Variants in PLEKHA5 observed in about 807,000 individuals in gnomAD.
PLEKHA5 encodes the protein pleckstrin homology domain-containing family A member 5.
Under a neutral mutation model 181.9 loss-of-function variants are expected in PLEKHA5, and 55 were observed. The ratio of observed to expected loss-of-function variants is 0.30; its 90% confidence interval spans 0.24 to 0.38. PLEKHA5 has a LOEUF of 0.38. Among genes scored for constraint, PLEKHA5 ranks in the 10% least tolerant of loss-of-function variants. The probability of loss-of-function intolerance (pLI) is 1.00; values close to 1 mark genes in which losing one functional copy is unlikely to be tolerated. For synonymous variants in PLEKHA5, 535 were observed against 529.4 expected (o/e 1.01, Z -0.15); for missense variants, 1,432 against 1,549.5 (o/e 0.92, Z 1.27).
chr12:19,141,465 A>G (rs148777823), intron 3 of PLEKHA5, among the ~76,000 whole-genome samples: 1 of 152,324 alleles, frequency 6.6e-6, no homozygotes, highest in East Asian at 1.9e-4. Flanking sequence ...TTGGAAGTCA[A>G]GATGTGAAAG....
chr12:19,144,225 A>G (rs993531952), intron 3 of PLEKHA5, among the ~76,000 whole-genome samples: 2 of 152,198 alleles, frequency 1.3e-5, no homozygotes, highest in Non-Finnish European at 2.9e-5. Flanking sequence ...ATGTATGTCT[A>G]CATAAACAAC....
chr12:19,312,210 G>A (rs918262223), intron 15 of PLEKHA5, among the ~76,000 whole-genome samples: 1 of 152,174 alleles, frequency 6.6e-6, no homozygotes, highest in Non-Finnish European at 1.5e-5. Context: ...CTTTTTTGGA[G>A]CATAAGCAAA....
chr12:19,185,778 C>A (rs2151901692), intron 3 of PLEKHA5, among the ~76,000 whole-genome samples: 1 of 152,054 alleles, frequency 6.6e-6, no homozygotes, highest in South Asian at 2.1e-4. Context: ...TCTGTAGGGG[C>A]CCAATGAAAC....
intron 3 of PLEKHA5, among the ~76,000 whole-genome samples, chr12:19,229,235 A>G (rs762101020): frequency 1.3e-5 from 2 of 152,178 alleles, no homozygotes; most frequent in Non-Finnish European, 2.9e-5. Flanking sequence ...TGTTGACATG[A>G]GACCACATGA....
At chr12:19,246,887 T>G (rs368141234) in intron 3 of PLEKHA5, among the ~76,000 whole-genome samples, 2 of 152,316 alleles carry the variant, frequency 1.3e-5, no homozygotes, top group South Asian at 2.1e-4. Flanking sequence ...CCATTAAGAA[T>G]GAAATAGGCC....
At chr12:19,131,743 C>T (rs2033932592) in intron 2 of PLEKHA5, among the ~76,000 whole-genome samples, 1 of 151,526 alleles carries the variant, frequency 6.6e-6, no homozygotes, top group East Asian at 1.9e-4. Context: ...GTTGTTTTTA[C>T]TTCCAAGAGG....
At chr12:19,131,342 G>A (rs1387247501) in intron 2 of PLEKHA5, among the ~76,000 whole-genome samples, 1 of 152,208 alleles carries the variant, frequency 6.6e-6, no homozygotes, top group Non-Finnish European at 1.5e-5. Flanking sequence ...AAAAGGTGGA[G>A]GAAGAAAGGA....
chr12:19,161,150 T>G (rs2042872562), intron 3 of PLEKHA5, among the ~76,000 whole-genome samples: 1 of 152,190 alleles, frequency 6.6e-6, no homozygotes, highest in South Asian at 2.1e-4. Flanking sequence ...ATTCTCTGAA[T>G]AAAGGCATTA....
intron 25 of PLEKHA5, among the ~76,000 whole-genome samples, chr12:19,349,819 A>C (rs1197939695): frequency 2.6e-5 from 4 of 152,076 alleles, no homozygotes; most frequent in Non-Finnish European, 5.9e-5. Context: ...TCTACTAAAA[A>C]TACAAAAGTT....
chr12:19,343,842 C>G (rs2094127549), intron 22 of PLEKHA5, among the ~76,000 whole-genome samples: 1 of 152,114 alleles, frequency 6.6e-6, no homozygotes, highest in Non-Finnish European at 1.5e-5. Context: ...CACCTGAGGT[C>G]AGGAGTTCAA....
chr12:19,351,162 C>T (rs2094574567), intron 25 of PLEKHA5, among the ~76,000 whole-genome samples: 1 of 151,908 alleles, frequency 6.6e-6, no homozygotes, highest in African/African-American at 2.4e-5. Flanking sequence ...TCTCAAACTT[C>T]TAGGCTCAAG....
intron 7 of PLEKHA5, 111 bp downstream of exon 7, chr12:19,261,132 A>G (rs1369312034): frequency 5.3e-6 from 3 of 560,918 alleles, no homozygotes; most frequent in Non-Finnish European, 9.4e-6. Flanking sequence ...TTTATTATCA[A>G]CAAATAGTAT....
intron 30 of PLEKHA5, among the ~76,000 whole-genome samples, chr12:19,368,156 C>T (rs951250876): frequency 2.0e-5 from 3 of 151,966 alleles, no homozygotes; most frequent in African/African-American, 7.2e-5. Flanking sequence ...TCCCTTGTAA[C>T]AAATACTAAG....
At chr12:19,342,049 C>G (rs1037239512) in intron 21 of PLEKHA5, among the ~76,000 whole-genome samples, 2 of 151,994 alleles carry the variant, frequency 1.3e-5, no homozygotes, top group African/African-American at 4.8e-5. Flanking sequence ...ATATTTCTAC[C>G]CATTAGAGGA....
chr12:19,297,998 G>C (rs2080358269), intron 15 of PLEKHA5, among the ~76,000 whole-genome samples: 1 of 152,066 alleles, frequency 6.6e-6, no homozygotes, highest in Non-Finnish European at 1.5e-5. Context: ...CTGAGGTCAG[G>C]AGTTTGAGAC....
intron 3 of PLEKHA5, among the ~76,000 whole-genome samples, chr12:19,253,347 T>C (rs1308313212): frequency 6.6e-6 from 1 of 151,544 alleles, no homozygotes; most frequent in Non-Finnish European, 1.5e-5. Flanking sequence ...AATGCTGGGA[T>C]TACAGGCGTG....
intron 3 of PLEKHA5, among the ~76,000 whole-genome samples, chr12:19,213,164 A>G (rs57939175): frequency 0.01 from 1,540 of 152,242 alleles, 26 homozygotes; most frequent in African/African-American, 0.035. Flanking sequence ...AGAGAGAAGT[A>G]TGTGTATTGT....
intron 15 of PLEKHA5, among the ~76,000 whole-genome samples, chr12:19,302,693 AG>A (rs2081889990): frequency 1.3e-5 from 2 of 151,992 alleles, no homozygotes; most frequent in African/African-American, 4.8e-5. Context: ...CACCACCCCC[AG>A]CCTACTGGTG....
chr12:19,269,767 C>T lies in PLEKHA5; in HGVS notation c.712-3C>T. 1 of 1,485,574 alleles carries T rather than the reference C, an allele frequency of 6.7e-7. No homozygotes were observed. Among genetic ancestry groups the T allele is most frequent in the East Asian group, 2.3e-5 (1 of 44,022 alleles). The allele number at this position is 1,485,574 out of a possible 1,614,324, so 92.0% of individuals were successfully genotyped here. On this transcript the variant is annotated splice_region_variant and splice_polypyrimidine_tract_variant and intron_variant, in intron 8 of 31. Transcript: ENST00000429027. ...TTAAAATGATCGTGTCATTTTCAATCAGGCAGCCCATCCAAACATGCGGAC... is the reference window on the plus strand; with the variant it reads ...TTAAAATGATCGTGTCATTTTCAATTAGGCAGCCCATCCAAACATGCGGAC...
Sources: allele counts gnomAD v4.1 joint callset (sites outside exome capture counted in the v4.1 genomes callset), GRCh38; gene constraint gnomAD v4.1.1; transcripts MANE v1.5; gene names NCBI Gene and HGNC (gene_info 2026-07-23, HGNC 2026-07-21).